FGF14: variants seen among roughly 807,000 people sequenced by gnomAD.
The protein encoded by FGF14 is fibroblast growth factor 14, also known as fibroblast growth factor homologous factor 4.
A neutral mutation model predicts 25.5 loss-of-function variants in FGF14; 5 were observed. The observed-to-expected ratio is 0.20, with a 90% confidence interval of 0.10 to 0.41. FGF14 has a LOEUF of 0.41. FGF14 is among the 10% of genes least tolerant of loss of function. The pLI is 1.00. For missense variants in FGF14, 222 were observed against 320.1 expected (o/e 0.69, Z 2.34); for synonymous variants, 138 against 118.3 (o/e 1.17, Z -1.08).
intron 3 of FGF14, among the ~76,000 whole-genome samples, chr13:101,778,416 C>T (rs1343769733): frequency 6.6e-6 from 1 of 152,170 alleles, no homozygotes; most frequent in Non-Finnish European, 1.5e-5. Flanking sequence ...TTGAAGCAAG[C>T]CTAAACCTCC....
chr13:101,732,475 A>G (rs530136533), intron 3 of FGF14, among the ~76,000 whole-genome samples: 1 of 152,300 alleles, frequency 6.6e-6, no homozygotes, highest in African/African-American at 2.4e-5. Context: ...ACTAACCTCT[A>G]TTTTCCAGAG....
chr13:102,198,114 C>T (rs906292627), intron 1 of FGF14, among the ~76,000 whole-genome samples: 2 of 152,210 alleles, frequency 1.3e-5, no homozygotes, highest in Non-Finnish European at 2.9e-5. Context: ...GACTCTGGAA[C>T]CCCCTTGCAA....
At chr13:102,230,410 G>A (rs1031570872) in intron 1 of FGF14, among the ~76,000 whole-genome samples, 1 of 152,154 alleles carries the variant, frequency 6.6e-6, no homozygotes, top group African/African-American at 2.4e-5. Flanking sequence ...GAATAGAAAG[G>A]TATAAACAAA....
intron 1 of FGF14, among the ~76,000 whole-genome samples, chr13:102,090,450 A>G (rs1261805974): frequency 7.5e-6 from 1 of 133,720 alleles, no homozygotes; most frequent in African/African-American, 2.5e-5. Context: ...CCATATCTAT[A>G]AAATGAAGAT....
chr13:102,094,279 AAG>A (rs1215204331), intron 1 of FGF14, among the ~76,000 whole-genome samples: 1 of 152,238 alleles, frequency 6.6e-6, no homozygotes, highest in Non-Finnish European at 1.5e-5. Context: ...CAACTTAATA[AAG>A]GAAGGTGAAG....
rs369207733 is a variant in FGF14, at chr13:101,809,332, G to T, written c.408+59393C>A. Among the ~76,000 whole-genome samples the T allele has an allele frequency of 3.9e-5, 6 of 152,038 alleles. No individual in the cohort carries two copies. The South Asian group carries it at 6.3e-4, about 16-fold the overall frequency. On this transcript the variant is annotated intron_variant, in intron 3 of 4. Coordinates refer to ENST00000376143, the MANE Select transcript of FGF14 (RefSeq NM_004115.4). ...TTAACCTTATGCCTTTTTACCAATG[G>T]CCAATAACTATGGTGACAGTCAATA...
intron 1 of FGF14, among the ~76,000 whole-genome samples, chr13:101,939,247 T>C (rs2035292635): frequency 6.6e-6 from 1 of 152,244 alleles, no homozygotes; most frequent in Non-Finnish European, 1.5e-5. Flanking sequence ...GTGCGTTTCA[T>C]AGATATTCTT....
At position 102,378,627 on chromosome 13, in the gene FGF14, CTATCTA is replaced by C. The variant is rs1347680710; in HGVS notation, c.208+22838_208+22843del. 6.3e-4 allele frequency among the ~76,000 whole-genome samples: 84 copies of C among 132,744 alleles called. No individual in the cohort carries two copies. In the East Asian group the frequency reaches 7.9e-3, roughly 12 times the overall value. 87.1% of individuals were successfully genotyped at this position (132,744 alleles called of 152,430 possible). ...TCTATCTATCTATCTATCTATCTAT[CTATCTA>C]TATATATATATATCTTCTCTTTTAA... is the stretch of plus-strand genomic sequence containing the variant. On this transcript the variant is annotated intron_variant, in intron 1 of 4. Coordinates refer to the FGF14 transcript ENST00000376131.
At chr13:101,818,820 T>C (rs1170442511) in intron 3 of FGF14, among the ~76,000 whole-genome samples, 2 of 152,192 alleles carry the variant, frequency 1.3e-5, no homozygotes, top group African/African-American at 4.8e-5. Flanking sequence ...CAATAATCCC[T>C]ATGCAGAGCT....
intron 1 of FGF14, among the ~76,000 whole-genome samples, chr13:102,058,135 C>A (rs1024879181): frequency 6.6e-6 from 1 of 152,166 alleles, no homozygotes; most frequent in Non-Finnish European, 1.5e-5. Flanking sequence ...TACAGAGAAG[C>A]TAAGGCTTTG....
intron 1 of FGF14, among the ~76,000 whole-genome samples, chr13:102,249,057 T>C (rs2052029238): frequency 6.6e-6 from 1 of 152,104 alleles, no homozygotes; most frequent in Non-Finnish European, 1.5e-5. Flanking sequence ...TGGTGGGGCA[T>C]CTATGTAGAG....
intron 1 of FGF14, among the ~76,000 whole-genome samples, chr13:102,266,218 G>A (rs2052984613): frequency 6.6e-6 from 1 of 152,116 alleles, no homozygotes; most frequent in African/African-American, 2.4e-5. Flanking sequence ...AGTAGAAGAG[G>A]CTGACTAAAG....
intron 3 of FGF14, among the ~76,000 whole-genome samples, chr13:101,774,013 C>A (rs1359671175): frequency 2.0e-5 from 3 of 151,566 alleles, no homozygotes; most frequent in Non-Finnish European, 2.9e-5. Context: ...CCTCTCTGAG[C>A]CCCAGTTTTC....
At chr13:102,023,356 C>T (rs374685178) in intron 1 of FGF14, among the ~76,000 whole-genome samples, 6 of 151,984 alleles carry the variant, frequency 3.9e-5, no homozygotes, top group South Asian at 2.1e-4. Context: ...GGGAAGAACA[C>T]GCTTGATTAA....
At chr13:102,399,090 G>C (rs948069139) in intron 1 of FGF14, among the ~76,000 whole-genome samples, 1 of 151,906 alleles carries the variant, frequency 6.6e-6, no homozygotes, top group Non-Finnish European at 1.5e-5. Context: ...ATTGTCATTT[G>C]TTCCACAGTT....
intron 1 of FGF14, among the ~76,000 whole-genome samples, chr13:101,981,695 G>T (rs1594897975): frequency 6.6e-6 from 1 of 152,256 alleles, no homozygotes; most frequent in East Asian, 1.9e-4. Flanking sequence ...ATACTAGGGT[G>T]GGAAGAAGGA....
At chr13:102,106,311 C>T (rs1037554178) in intron 1 of FGF14, among the ~76,000 whole-genome samples, 2 of 152,164 alleles carry the variant, frequency 1.3e-5, no homozygotes, top group Non-Finnish European at 2.9e-5. Flanking sequence ...TGCCTCACGC[C>T]TGTAATCCCA....
chr13:102,000,160 CA>C (rs910084810), intron 1 of FGF14, among the ~76,000 whole-genome samples: 21 of 150,816 alleles, frequency 1.4e-4, no homozygotes, highest in African/African-American at 4.6e-4. Flanking sequence ...CTAAAAAATA[CA>C]AAAAAAAATT....
In FGF14 at chr13:101,722,731, C is replaced by T; in HGVS notation, c.*100G>A. Reference sequence around the variant, plus strand: ...ACAGCAAAGAATAAGCATTAGCTTACTTCCTGCTGCTCTTCAGCCACGGAG... The same window carrying T: ...ACAGCAAAGAATAAGCATTAGCTTATTTCCTGCTGCTCTTCAGCCACGGAG... On this transcript the variant is annotated 3_prime_UTR_variant, in exon 5 of 5. Transcript: ENST00000376143. 1.3e-6 allele frequency: 2 copies of T among 1,515,764 alleles called. No homozygotes were observed. Among genetic ancestry groups the T allele is most frequent in the Non-Finnish European group, 1.8e-6 (2 of 1,095,508 alleles). 93.9% of individuals were successfully genotyped at this position (1,515,764 alleles called of 1,614,324 possible).
Sources: allele counts gnomAD v4.1 joint callset (sites outside exome capture counted in the v4.1 genomes callset), GRCh38; gene constraint gnomAD v4.1.1; transcripts MANE v1.5; gene names NCBI Gene and HGNC (gene_info 2026-07-23, HGNC 2026-07-21).